Variants in CC2D2B observed in about 807,000 individuals in gnomAD.
CC2D2B encodes the protein protein CC2D2B.
CC2D2B carries 128 observed loss-of-function variants against 161.2 expected under a neutral mutation model. The ratio of observed to expected loss-of-function variants is 0.79; its 90% confidence interval spans 0.69 to 0.92. CC2D2B has a LOEUF of 0.92. CC2D2B is among the 40% of genes least tolerant of loss of function. The pLI, the probability that CC2D2B is intolerant of heterozygous loss-of-function variation, is 0.00. For missense variants in CC2D2B, 1,173 were observed against 1,375.1 expected, an observed-to-expected ratio of 0.85 and a Z score of 2.32; for synonymous variants, 391 against 449.8, an observed-to-expected ratio of 0.87 and a Z score of 1.65.
chr10:96,032,502 G>A lies in CC2D2B; in HGVS notation c.*494G>A, dbSNP rs564650244. The A allele has an allele frequency of 6.1e-5, 15 of 246,584 alleles. No individual in the cohort carries two copies. The highest frequency in any genetic ancestry group is 3.4e-4 in the African/African-American group (15 of 44,434). The allele number at this position is 246,584 out of a possible 1,614,324, so 15.3% of individuals were successfully genotyped here. On this transcript the variant is annotated 3_prime_UTR_variant, in exon 35 of 35. Transcript: ENST00000646931. ...AGATAATTCTGATGCACTGTTATGA[G>A]GGAGAGCCCAGCCTTATAGAATGTT...
intron 9 of CC2D2B, among the ~76,000 whole-genome samples, chr10:95,944,339 T>C (rs1026313388): frequency 2.6e-5 from 4 of 152,186 alleles, no homozygotes; most frequent in African/African-American, 9.6e-5. Flanking sequence ...TACCAAACAT[T>C]ACAATATCTT....
intron 11 of CC2D2B, among the ~76,000 whole-genome samples, chr10:95,958,813 T>C (rs988971283): frequency 6.6e-6 from 1 of 151,054 alleles, no homozygotes; most frequent in South Asian, 2.1e-4. Context: ...AAGGAGAAGA[T>C]AGAGAGAAAG....
In CC2D2B at chr10:96,016,318, A is replaced by C. The variant is rs770771882; in HGVS notation, c.3630+4A>C. On this transcript the variant is annotated splice_donor_region_variant and intron_variant, in intron 30 of 34. Coordinates refer to ENST00000646931, the MANE Select transcript of CC2D2B (RefSeq NM_001349008.3). ...CTTGGGAACGTCAGTGTTAGAAGTA[A>C]GTGCTGGAGTTCATATTGAAATAAT... The C allele has an allele frequency of 6.6e-7, 1 of 1,526,300 alleles. No homozygotes were observed. The highest frequency in any genetic ancestry group is 9.1e-7 in the Non-Finnish European group (1 of 1,099,930). The allele number at this position is 1,526,300 out of a possible 1,614,324, so 94.5% of individuals were successfully genotyped here. A position where few individuals can be genotyped will look rare whatever the true frequency, so the allele number is the denominator to read the frequency against.
intron 6 of CC2D2B, among the ~76,000 whole-genome samples, chr10:95,935,188 C>T (rs1357696368): frequency 6.6e-6 from 1 of 152,176 alleles, no homozygotes; most frequent in African/African-American, 2.4e-5. Flanking sequence ...TTTATATAAA[C>T]AGAATCACAG....
chr10:95,980,812 A>G (rs187207052), intron 17 of CC2D2B, among the ~76,000 whole-genome samples: 108 of 152,332 alleles, frequency 7.1e-4, no homozygotes, highest in African/African-American at 2.4e-3. Context: ...ACATTGTTGA[A>G]TCCGTGTCAG....
chr10:95,938,399 TTA>T (rs1265213063), intron 7 of CC2D2B, 168 bp from the exon 8 acceptor site: 1 of 604,288 alleles, frequency 1.7e-6, no homozygotes, highest in Admixed American at 3.2e-5. Flanking sequence ...GCATATGTAT[TTA>T]TATATAGAGA....
chr10:96,014,182 G>A (rs995722626), intron 29 of CC2D2B, among the ~76,000 whole-genome samples: 6 of 152,120 alleles, frequency 3.9e-5, no homozygotes, highest in African/African-American at 7.2e-5. Flanking sequence ...GTCAGACCCT[G>A]AAGTCTTGTG....
chr10:95,933,771 C>T (rs1014402162), intron 6 of CC2D2B, among the ~76,000 whole-genome samples: 2 of 152,178 alleles, frequency 1.3e-5, no homozygotes, highest in African/African-American at 4.8e-5. Flanking sequence ...CCCAGAGGGG[C>T]ACCCATCAGA....
Position 95,947,113 on chromosome 10 carries a change from ATTTT to A in CC2D2B, c.802-2769_802-2766del, listed in dbSNP as rs753866384. Among the ~76,000 whole-genome samples, 63 of 48,374 alleles carry A rather than the reference ATTTT, an allele frequency of 1.3e-3. 1 individual carries two copies. The highest frequency in any genetic ancestry group is 6.5e-3 in the East Asian group (11 of 1,684). The allele number at this position is 48,374 out of a possible 152,430, so 31.7% of individuals were successfully genotyped here. ...TATATATATATATATATATATATAT[ATTTT>A]TTTTTTTTTTTTTGAGACAAAGTAT... On this transcript the variant is annotated intron_variant, in intron 9 of 34. Coordinates refer to ENST00000646931, the MANE Select transcript of CC2D2B (RefSeq NM_001349008.3).
At chr10:96,031,739 T>G (rs1250270658) in intron 34 of CC2D2B, 81 bp from the exon 35 acceptor site, 3 of 1,237,188 alleles carry the variant, frequency 2.4e-6, no homozygotes, top group African/African-American at 1.5e-5. Context: ...TCTTTGAGGC[T>G]TTTGTGATCT....
At chr10:95,946,064 G>A (rs918161049) in intron 9 of CC2D2B, among the ~76,000 whole-genome samples, 1 of 152,120 alleles carries the variant, frequency 6.6e-6, no homozygotes, top group South Asian at 2.1e-4. Context: ...GATTACAGGC[G>A]TGAGCCACCA....
At chr10:96,011,215 A>G (rs980090725) in intron 26 of CC2D2B, among the ~76,000 whole-genome samples, 1 of 152,210 alleles carries the variant, frequency 6.6e-6, no homozygotes, top group Admixed American at 6.5e-5. Context: ...TGTTGCAAAG[A>G]CTGGCAATAG....
At chr10:96,001,707 T>G (rs1224440218) in intron 24 of CC2D2B, among the ~76,000 whole-genome samples, 6 of 152,216 alleles carry the variant, frequency 3.9e-5, no homozygotes, top group African/African-American at 1.4e-4. Context: ...TTTGTTAGCT[T>G]AGATACTATG....
At chr10:96,017,173 AT>A (rs1431130094) in intron 30 of CC2D2B, among the ~76,000 whole-genome samples, 3 of 152,198 alleles carry the variant, frequency 2.0e-5, no homozygotes, top group African/African-American at 7.2e-5. Context: ...CTTCTTCTAC[AT>A]TTGTACCACC....
At chr10:95,987,558 T>C (rs2141637446) in intron 19 of CC2D2B, among the ~76,000 whole-genome samples, 1 of 152,274 alleles carries the variant, frequency 6.6e-6, no homozygotes, top group African/African-American at 2.4e-5. Flanking sequence ...CATTTCCAAG[T>C]GCATTGGGGA....
intron 9 of CC2D2B, among the ~76,000 whole-genome samples, chr10:95,944,230 A>G (rs189198632): frequency 1.3e-5 from 2 of 152,306 alleles, no homozygotes; most frequent in Admixed American, 1.3e-4. Context: ...GTTATTTCCT[A>G]CAAGGTGCTT....
At position 95,947,654 on chromosome 10, in the gene CC2D2B, A is replaced by G. The variant is rs2076268218; in HGVS notation, c.802-2242A>G. Among the ~76,000 whole-genome samples, 4 of 152,156 alleles carry G rather than the reference A, an allele frequency of 2.6e-5. No individual in the cohort carries two copies. In the Middle Eastern group the frequency reaches 0.01, roughly 388 times the overall value. ...CTACTTGGGAGGCTGAGGCAGGAGC[A>G]TCGCTTGAACCTGGGAGGTGGAGGT... is the stretch of plus-strand genomic sequence containing the variant. On this transcript the variant is annotated intron_variant, in intron 9 of 34. Coordinates refer to ENST00000646931, the MANE Select transcript of CC2D2B (RefSeq NM_001349008.3).
intron 11 of CC2D2B, among the ~76,000 whole-genome samples, chr10:95,961,158 T>C (rs1270445791): frequency 6.6e-6 from 1 of 152,172 alleles, no homozygotes; most frequent in African/African-American, 2.4e-5. Flanking sequence ...TATCAAAACG[T>C]AGGGGCTTTC....
At chr10:95,962,792 G>A (rs2076811159) in intron 12 of CC2D2B, among the ~76,000 whole-genome samples, 1 of 132,262 alleles carries the variant, frequency 7.6e-6, no homozygotes, top group South Asian at 2.6e-4. Context: ...TAACAAAAGT[G>A]CTCTGGACGG....
Sources: allele counts gnomAD v4.1 joint callset (sites outside exome capture counted in the v4.1 genomes callset), GRCh38; gene constraint gnomAD v4.1.1; transcripts MANE v1.5; gene names NCBI Gene and HGNC (gene_info 2026-07-23, HGNC 2026-07-21).